NISCH: variants seen among roughly 807,000 people sequenced by gnomAD.
NISCH encodes I-1 receptor candidate protein.
NISCH carries 55 observed loss-of-function variants against 138.4 expected under a neutral mutation model. The ratio of observed to expected loss-of-function variants is 0.40; its 90% confidence interval spans 0.32 to 0.50. NISCH has a LOEUF of 0.50. Ranked by LOEUF, NISCH falls within the 20% of genes least tolerant of loss-of-function variation. The pLI, the probability that NISCH is intolerant of heterozygous loss-of-function variation, is 0.71. For missense variants in NISCH, 1,643 were observed against 2,005.5 expected (o/e 0.82, Z 3.45); for synonymous variants, 860 against 861.5 (o/e 1.00, Z 0.03).
At chr3:52,482,843 G>A (rs914578844) in intron 13 of NISCH, among the ~76,000 whole-genome samples, 1 of 152,204 alleles carries the variant, frequency 6.6e-6, no homozygotes, top group South Asian at 2.1e-4. Flanking sequence ...AGAGGTGGTC[G>A]ATGAGGGCTG....
Position 52,476,522 on chromosome 3 carries a change from GCCGTCATC to G in NISCH, c.844_851del (p.Val282HisfsTer9). 6.2e-7 allele frequency: 1 copy of G among 1,614,088 alleles called. No individual in the cohort carries two copies. The highest frequency in any genetic ancestry group is 8.5e-7 in the Non-Finnish European group (1 of 1,179,988). The stretch of plus-strand genomic sequence containing the variant: ...CACAACCCTAGAAGGCCCTGTGACT[GCCGTCATC>G]CCCACTTGGCAGGCATTGACCACGC... On this transcript the variant is annotated frameshift_variant, in exon 8 of 21. Coordinates refer to ENST00000345716, the MANE Select transcript of NISCH (RefSeq NM_007184.4). LOFTEE classifies it high-confidence loss of function.
intron 4 of NISCH, 137 bp from the exon 5 acceptor site, chr3:52,471,677 C>A: frequency 1.0e-6 from 1 of 959,690 alleles, no homozygotes; most frequent in Non-Finnish European, 1.6e-6. Flanking sequence ...GCAGCTCCTG[C>A]ATGCCCAGGG....
intron 3 of NISCH, among the ~76,000 whole-genome samples, chr3:52,468,695 G>C (rs1192007755): frequency 6.6e-6 from 1 of 152,056 alleles, no homozygotes; most frequent in Non-Finnish European, 1.5e-5. Context: ...CACCCTGCCG[G>C]TCCCTTAAAG....
At chr3:52,481,503 A>T in intron 13 of NISCH, 1 of 985,444 alleles carries the variant, frequency 1.0e-6, no homozygotes, top group Non-Finnish European at 1.2e-6. Flanking sequence ...ACGGTGAGAA[A>T]GCTTCCCTGA....
In NISCH at chr3:52,487,601, G is replaced by A; in HGVS notation, c.2109G>A (p.Glu703=). 1.2e-6 allele frequency: 2 copies of A among 1,613,884 alleles called. No homozygotes were observed. The highest frequency in any genetic ancestry group is 1.7e-6 in the Non-Finnish European group (2 of 1,179,956). Residue 703 remains glutamate (E), a synonymous_variant, in exon 16 of 21, where the codon GAG becomes GAA. Transcript: ENST00000345716. The surrounding 1 kb of genome is among the most constrained non-coding windows in gnomAD (Gnocchi z 9.1). ...GCGCGGACGAGGACTTCCTGCTGGA[G>A]CACATCCGCATCCTCAAGGTGCTGT... ...ALGADEDFLL[E]HIRILKVLWC... is the part of the protein sequence containing the mutation.
chr3:52,455,871 G>C (rs922321344), intron 1 of NISCH, 137 bp downstream of exon 1: 1 of 576,262 alleles, frequency 1.7e-6, no homozygotes, highest in African/African-American at 1.9e-5. Context: ...GGAGGGGGCT[G>C]GGACGGGGGA....
chr3:52,456,681 C>T (rs1482601239), intron 1 of NISCH, among the ~76,000 whole-genome samples: 1 of 152,224 alleles, frequency 6.6e-6, no homozygotes, highest in Non-Finnish European at 1.5e-5. Context: ...TCTTCTGGCT[C>T]TTTTCTCCTT....
intron 13 of NISCH, chr3:52,481,022 G>A: frequency 1.4e-6 from 2 of 1,385,430 alleles, no homozygotes; most frequent in Non-Finnish European, 1.9e-6. Context: ...CCGGGCTCCT[G>A]GAGACGCAGA....
At chr3:52,490,289 G>A (rs540617120) in intron 18 of NISCH, 58 bp downstream of exon 18, 23 of 1,579,446 alleles carry the variant, frequency 1.5e-5, no homozygotes, top group Non-Finnish European at 1.7e-5. Context: ...GGGCAGGCCT[G>A]GGGGGTCATT....
At chr3:52,486,685 ACTCTG>A (rs1707410166) in intron 15 of NISCH, 1 of 155,334 alleles carries the variant, frequency 6.4e-6, no homozygotes, top group Non-Finnish European at 1.4e-5. Flanking sequence ...CAAAATGTGT[ACTCTG>A]ACCCTTTACA....
chr3:52,467,157 T>C lies in NISCH; in HGVS notation c.361-3702T>C, dbSNP rs987959876. On this transcript the variant is annotated intron_variant, in intron 3 of 20. Transcript: ENST00000345716. ...CTGGTAGTACAGGCATGTGCCACCA[T>C]GCCTGGCTAATTTTTGTATTTTTAG... Among the ~76,000 whole-genome samples, 4 of 152,106 alleles carry C rather than the reference T, an allele frequency of 2.6e-5. No homozygotes were observed. In the South Asian group the frequency reaches 6.2e-4, roughly 24 times the overall value.
chr3:52,487,026 C>T lies in NISCH; in HGVS notation c.1704-170C>T. Among the ~76,000 whole-genome samples the T allele has an allele frequency of 6.6e-6, 1 of 152,246 alleles. No homozygotes were observed. Among genetic ancestry groups the T allele is most frequent in the East Asian group, 1.9e-4 (1 of 5,198 alleles). On this transcript the variant is annotated intron_variant, in intron 15 of 20. Coordinates refer to ENST00000345716, the MANE Select transcript of NISCH (RefSeq NM_007184.4). The surrounding 1 kb of genome is among the most constrained non-coding windows in gnomAD (Gnocchi z 9.1). ...CCAGCCTTCCAGCAGGCAGCACTGG[C>T]TCCCACCAGGGCCCTCATCCTGGGA...
Position 52,457,929 on chromosome 3 carries a change from A to G in NISCH, c.177+3A>G. The stretch of plus-strand genomic sequence containing the variant: ...ACTTCCATGACCTGCATGAAAAGGT[A>G]ACTGTTAAGAGCTGGGAGCACGTAT... On this transcript the variant is annotated splice_donor_region_variant and intron_variant, in intron 2 of 20. Transcript: ENST00000345716. 3.7e-6 allele frequency: 6 copies of G among 1,603,092 alleles called. No individual in the cohort carries two copies. The highest frequency in any genetic ancestry group is 5.1e-6 in the Non-Finnish European group (6 of 1,170,610).
intron 3 of NISCH, 109 bp downstream of exon 3, chr3:52,458,953 T>C: frequency 1.1e-6 from 1 of 922,186 alleles, no homozygotes; most frequent in Non-Finnish European, 1.6e-6. Context: ...GGTTTGACCC[T>C]AGGTTAGAAG....
Position 52,492,376 on chromosome 3 carries a change from A to C in NISCH, c.4409A>C (p.Gln1470Pro), listed in dbSNP as rs765988128. 2.5e-6 allele frequency: 4 copies of C among 1,613,232 alleles called. No individual in the cohort carries two copies. The highest frequency in any genetic ancestry group is 1.7e-5 in the Admixed American group (1 of 60,018). ...RASQGREVQW[Q>P]VFVPSAESRE... ...AGCCAGGGCCGTGAAGTCCAGTGGCAGGTGTTTGTCCCCAGTGCTGAGAGC... is the reference window on the plus strand; with the variant it reads ...AGCCAGGGCCGTGAAGTCCAGTGGCCGGTGTTTGTCCCCAGTGCTGAGAGC... Residue 1470 changes from glutamine to proline, a missense_variant, in exon 21 of 21, where the codon CAG becomes CCG. Coordinates refer to ENST00000345716, the MANE Select transcript of NISCH (RefSeq NM_007184.4).
chr3:52,477,570 C>T lies in NISCH; in HGVS notation c.919-4C>T, dbSNP rs1707140176. On this transcript the variant is annotated splice_region_variant and splice_polypyrimidine_tract_variant and intron_variant, in intron 8 of 20. Coordinates refer to ENST00000345716, the MANE Select transcript of NISCH (RefSeq NM_007184.4). ...TAACATCGGGTGTTCTTTTCTTTCA[C>T]AAGAAACTGATCCCAAAGATTGAGT... is the stretch of plus-strand genomic sequence containing the variant. The T allele has an allele frequency of 3.1e-6, 5 of 1,613,252 alleles. No homozygotes were observed. Among genetic ancestry groups the T allele is most frequent in the Non-Finnish European group, 4.2e-6 (5 of 1,179,184 alleles).
chr3:52,469,217 G>T (rs952401479), intron 3 of NISCH, among the ~76,000 whole-genome samples: 3 of 152,064 alleles, frequency 2.0e-5, no homozygotes, highest in African/African-American at 7.2e-5. Flanking sequence ...AGCTGTTTAC[G>T]AAAAGGCCTG....
rs1707142846 is a variant in NISCH at position 52,477,651 on chromosome 3, T to G, written c.987+9T>G. 6.2e-7 allele frequency: 1 copy of G among 1,610,424 alleles called. No homozygotes were observed. Among genetic ancestry groups the G allele is most frequent in the Admixed American group, 1.7e-5 (1 of 59,998 alleles). ...TTGTGGACAATCTGCAGGTAGTGCC[T>G]TTGGAGACCAGTGCTGCCCGCACAC... On this transcript the variant is annotated intron_variant, in intron 9 of 20. Transcript: ENST00000345716.
At chr3:52,481,630 G>T (rs1385862031) in intron 13 of NISCH, 4 of 985,688 alleles carry the variant, frequency 4.1e-6, no homozygotes, top group Non-Finnish European at 4.8e-6. Flanking sequence ...ATTTCTGCCA[G>T]CATCTGTTGA....
Sources: allele counts gnomAD v4.1 joint callset (sites outside exome capture counted in the v4.1 genomes callset), GRCh38; gene constraint gnomAD v4.1.1; non-coding constraint Gnocchi (gnomAD v3.1); transcripts MANE v1.5; gene names NCBI Gene and HGNC (gene_info 2026-07-23, HGNC 2026-07-21).